Variants in MMP26 observed in about 807,000 individuals in gnomAD.
The protein encoded by MMP26 is matrix metalloproteinase-26.
Under a neutral mutation model 31.0 loss-of-function variants are expected in MMP26, and 33 were observed. That is an observed-to-expected ratio of 1.06 (90% CI 0.81 to 1.42). The LOEUF is 1.42. MMP26 is among the 40% of genes most tolerant of loss of function. The pLI is 0.00. For synonymous variants in MMP26, 122 were observed against 114.9 expected, an observed-to-expected ratio of 1.06 and a Z score of -0.40; for missense variants, 347 against 316.1, an observed-to-expected ratio of 1.10 and a Z score of -0.74.
At chr11:4,920,400 A>G (rs1851166177) in intron 2 of MMP26, among the ~76,000 whole-genome samples, 1 of 152,124 alleles carries the variant, frequency 6.6e-6, no homozygotes, top group Non-Finnish European at 1.5e-5. Flanking sequence ...TTATTCAGCT[A>G]TGACTATTTC....
intron 2 of MMP26, among the ~76,000 whole-genome samples, chr11:4,960,290 A>G (rs774338088): frequency 1.3e-5 from 2 of 151,924 alleles, no homozygotes; most frequent in Admixed American, 6.6e-5. Flanking sequence ...ACTAGTATCA[A>G]TGGAGCTCAA....
chr11:4,767,707 T>G (rs372345941), intron 2 of MMP26, among the ~76,000 whole-genome samples: 1 of 135,672 alleles, frequency 7.4e-6, no homozygotes, highest in African/African-American at 3.0e-5. Context: ...CATAGTTAGA[T>G]ATGCAAAAAT....
intron 2 of MMP26, among the ~76,000 whole-genome samples, chr11:4,868,576 A>G (rs948403317): frequency 1.3e-5 from 2 of 152,206 alleles, no homozygotes; most frequent in Admixed American, 6.5e-5. Flanking sequence ...GAGGATACAA[A>G]CAAATGGAAG....
At chr11:4,981,286 A>T (rs540011640) in intron 2 of MMP26, among the ~76,000 whole-genome samples, 1 of 152,254 alleles carries the variant, frequency 6.6e-6, no homozygotes, top group South Asian at 2.1e-4. Context: ...AGAGATACTC[A>T]TTCTGAGAAA....
rs193275030 is a variant in MMP26 at position 4,906,427 on chromosome 11, G to A, written c.-144-81641G>A. Among the ~76,000 whole-genome samples the A allele has an allele frequency of 3.7e-4, 56 of 152,234 alleles. No homozygotes were observed. In the East Asian group the frequency reaches 9.5e-3, roughly 26 times the overall value. On this transcript the variant is annotated intron_variant, in intron 2 of 7. Coordinates refer to ENST00000380390, the MANE Select transcript of MMP26 (RefSeq NM_021801.5). Reference sequence around the variant, plus strand: ...TTAAATAATTTAAAATCAAATGAAAGGGCAAATGTGTTTGAACAGAAATCG... The same window carrying A: ...TTAAATAATTTAAAATCAAATGAAAAGGCAAATGTGTTTGAACAGAAATCG...
At chr11:4,824,015 G>A (rs1849548247) in intron 2 of MMP26, among the ~76,000 whole-genome samples, 1 of 152,102 alleles carries the variant, frequency 6.6e-6, no homozygotes. Flanking sequence ...AAAGAGTTGG[G>A]TATTCTTTGT....
chr11:4,974,456 C>T (rs7102290), intron 2 of MMP26, among the ~76,000 whole-genome samples: 42,512 of 151,698 alleles, frequency 0.28, 8,770 homozygotes, highest in African/African-American at 0.58. Context: ...CTCAAAAATA[C>T]GTTGTCATTC....
intron 1 of MMP26, chr11:4,723,328 T>C (rs1848045366): frequency 2.1e-6 from 2 of 972,644 alleles, no homozygotes; most frequent in Non-Finnish European, 3.3e-6. Flanking sequence ...CAGCTCCTCA[T>C]ACTTGATCTG....
At chr11:4,991,557 T>C in intron 6 of MMP26, 61 bp downstream of exon 6, 1 of 1,587,498 alleles carries the variant, frequency 6.3e-7, no homozygotes, top group Non-Finnish European at 8.6e-7. Context: ...TCAGTGTTGA[T>C]GGTTTCCATT....
chr11:4,970,212 T>A (rs955153251), intron 2 of MMP26, among the ~76,000 whole-genome samples: 40 of 152,348 alleles, frequency 2.6e-4, no homozygotes, highest in African/African-American at 9.6e-4. Context: ...CCAAACAGTA[T>A]TTTTGACAAA....
At chr11:4,751,249 C>G (rs958484234) in intron 1 of MMP26, among the ~76,000 whole-genome samples, 2 of 152,040 alleles carry the variant, frequency 1.3e-5, no homozygotes, top group Non-Finnish European at 2.9e-5. Flanking sequence ...ACAGAGCCTT[C>G]AAATAAAATC....
At chr11:4,990,363 T>G (rs933839283) in intron 4 of MMP26, among the ~76,000 whole-genome samples, 11 of 152,226 alleles carry the variant, frequency 7.2e-5, no homozygotes, top group Admixed American at 7.2e-4. Context: ...TTCTTAGACT[T>G]TAGCTGACCT....
chr11:4,768,022 C>A (rs1848654052), intron 2 of MMP26, among the ~76,000 whole-genome samples: 1 of 152,082 alleles, frequency 6.6e-6, no homozygotes, highest in Non-Finnish European at 1.5e-5. Context: ...AATTCTTTAC[C>A]TTGGTTCTTT....
chr11:4,757,908 A>G (rs1160563044), intron 1 of MMP26, among the ~76,000 whole-genome samples: 1 of 152,198 alleles, frequency 6.6e-6, no homozygotes. Flanking sequence ...GCTTGTGGAC[A>G]TGAAAAATGA....
In MMP26 at chr11:4,778,546, G is replaced by A. The variant is rs975826847; in HGVS notation, c.-145+11205G>A. Among the ~76,000 whole-genome samples, 3 of 151,892 alleles carry A rather than the reference G, an allele frequency of 2.0e-5. No individual in the cohort carries two copies. The East Asian group carries it at 5.8e-4, about 29-fold the overall frequency. On this transcript the variant is annotated intron_variant, in intron 2 of 7. Coordinates refer to ENST00000380390, the MANE Select transcript of MMP26 (RefSeq NM_021801.5). ...TCCCTGTAATATGCTTTGATGCCTGGTATTATAAGAATAAAGCTTCAACTT... is the reference window on the plus strand; with the variant it reads ...TCCCTGTAATATGCTTTGATGCCTGATATTATAAGAATAAAGCTTCAACTT...
At chr11:4,782,641 C>CG (rs35315740) in intron 2 of MMP26, among the ~76,000 whole-genome samples, 22,687 of 152,130 alleles carry the variant, frequency 0.15, 1,953 homozygotes, top group African/African-American at 0.23. Context: ...CCCAAGACAA[C>CG]GGGGAAAATG....
At chr11:4,854,591 C>T (rs1369121480) in intron 2 of MMP26, among the ~76,000 whole-genome samples, 2 of 152,230 alleles carry the variant, frequency 1.3e-5, no homozygotes, top group East Asian at 1.9e-4. Context: ...GAACCCACCT[C>T]AGCTCAAGGA....
At position 4,860,037 on chromosome 11, in the gene MMP26, C is replaced by T. The variant is rs548420621; in HGVS notation, c.-145+92696C>T. 1.3e-5 allele frequency: 6 copies of T among 470,940 alleles called. No homozygotes were observed. In the East Asian group the frequency reaches 3.5e-4, roughly 27 times the overall value. The allele number at this position is 470,940 out of a possible 1,614,324, so 29.2% of individuals were successfully genotyped here. On this transcript the variant is annotated intron_variant, in intron 2 of 7. Transcript: ENST00000380390. ...TTTGGTGAAGACAGTATGAATGAGA[C>T]AAGACATTGGAATGGCAGAAGGGTA...
At chr11:4,862,774 T>G (rs1850180971) in intron 2 of MMP26, among the ~76,000 whole-genome samples, 1 of 152,138 alleles carries the variant, frequency 6.6e-6, no homozygotes, top group Non-Finnish European at 1.5e-5. Flanking sequence ...CAGATTTGAG[T>G]ATCTTAGACA....
Sources: gnomAD v4.1 joint callset for allele counts (sites outside exome capture counted in the v4.1 genomes callset) on GRCh38, gnomAD v4.1.1 for gene constraint, MANE v1.5 for transcripts, NCBI Gene and HGNC (gene_info 2026-07-23, HGNC 2026-07-21) for gene names.